PPP3CA: variants seen among roughly 807,000 people sequenced by gnomAD.
The protein encoded by PPP3CA is protein phosphatase 3 catalytic subunit alpha.
Under a neutral mutation model 66.5 loss-of-function variants are expected in PPP3CA, and 14 were observed. The ratio of observed to expected loss-of-function variants is 0.21; its 90% CI spans 0.14 to 0.33. The LOEUF is 0.33. Among genes scored for constraint, PPP3CA ranks in the 10% least tolerant of loss-of-function variants. The pLI, the probability that PPP3CA is intolerant of heterozygous loss-of-function variation, is 1.00. For missense variants in PPP3CA, 317 were observed against 639.5 expected (o/e 0.50, Z 5.44); for synonymous variants, 232 against 226.2 (o/e 1.03, Z -0.23).
chr4:101,052,777 G>A lies in PPP3CA; in HGVS notation c.1156+8310C>T, dbSNP rs181594709. Among the ~76,000 whole-genome samples the A allele has an allele frequency of 4.9e-4, 75 of 151,874 alleles. No homozygotes were observed. The East Asian group carries it at 0.014, about 28-fold the overall frequency. ...GTCCACCCTTGCATATAATTTCCTT[G>A]AAAAAATAATATGGACTTATCACAT... On this transcript the variant is annotated intron_variant, in intron 10 of 13. Transcript: ENST00000394854.
chr4:101,103,306 C>G (rs1280621684), intron 3 of PPP3CA, among the ~76,000 whole-genome samples: 1 of 152,174 alleles, frequency 6.6e-6, no homozygotes, highest in African/African-American at 2.4e-5. Flanking sequence ...ACATTCCAAT[C>G]AAAAGTGCTG....
chr4:101,320,558 G>A (rs1229182392), intron 1 of PPP3CA, among the ~76,000 whole-genome samples: 1 of 151,790 alleles, frequency 6.6e-6, no homozygotes, highest in East Asian at 1.9e-4. Context: ...GGGCGGAGGG[G>A]CTTGGATTCC....
At chr4:101,240,547 A>G (rs548895615) in intron 1 of PPP3CA, among the ~76,000 whole-genome samples, 43 of 152,240 alleles carry the variant, frequency 2.8e-4, no homozygotes, top group Non-Finnish European at 4.7e-4. Context: ...TGGAATCTAC[A>G]ATGTGGGAGG....
chr4:101,331,351 T>C (rs1016588774), intron 1 of PPP3CA, among the ~76,000 whole-genome samples: 1 of 152,230 alleles, frequency 6.6e-6, no homozygotes, highest in African/African-American at 2.4e-5. Context: ...GGAAGTACTT[T>C]GCTTCATTAT....
intron 1 of PPP3CA, among the ~76,000 whole-genome samples, chr4:101,232,797 T>A (rs1405835458): frequency 6.6e-6 from 1 of 151,770 alleles, no homozygotes; most frequent in Non-Finnish European, 1.5e-5. Flanking sequence ...ACTATTATTA[T>A]TTTTTGTTCT....
chr4:101,056,993 T>C (rs1728251731), intron 10 of PPP3CA, among the ~76,000 whole-genome samples: 1 of 152,126 alleles, frequency 6.6e-6, no homozygotes, highest in Non-Finnish European at 1.5e-5. Flanking sequence ...TTTGATGTCA[T>C]GTTACATTAA....
intron 2 of PPP3CA, among the ~76,000 whole-genome samples, chr4:101,148,026 C>T (rs1407708635): frequency 1.3e-5 from 2 of 152,036 alleles, no homozygotes; most frequent in African/African-American, 2.4e-5. Flanking sequence ...AATAACAATT[C>T]CCTCTCAAAA....
chr4:101,101,242 G>A (rs138005509), intron 3 of PPP3CA, among the ~76,000 whole-genome samples: 542 of 152,202 alleles, frequency 3.6e-3, no homozygotes, highest in Non-Finnish European at 6.2e-3. Flanking sequence ...TGTATGTAAC[G>A]TTTCCTGTTA....
At chr4:101,316,166 C>T (rs1728877912) in intron 1 of PPP3CA, among the ~76,000 whole-genome samples, 1 of 151,626 alleles carries the variant, frequency 6.6e-6, no homozygotes, top group African/African-American at 2.4e-5. Flanking sequence ...GGCTGGGTGG[C>T]AATGTGTTGA....
At chr4:101,061,059 C>T (rs1728440885) in intron 10 of PPP3CA, 28 bp downstream of exon 10, 1 of 1,571,776 alleles carries the variant, frequency 6.4e-7, no homozygotes. Context: ...TGGCAAATAG[C>T]ATTAGCACAA....
chr4:101,234,937 G>A (rs1553934710), intron 1 of PPP3CA, among the ~76,000 whole-genome samples: 1 of 151,694 alleles, frequency 6.6e-6, no homozygotes, highest in Non-Finnish European at 1.5e-5. Flanking sequence ...AATACAATTA[G>A]AAGAAATGTG....
intron 2 of PPP3CA, among the ~76,000 whole-genome samples, chr4:101,147,378 A>T (rs1723003523): frequency 6.6e-6 from 1 of 152,186 alleles, no homozygotes; most frequent in Non-Finnish European, 1.5e-5. Context: ...TTTTTCAAAA[A>T]TGTCATGAAT....
chr4:101,241,320 A>G (rs1239241522), intron 1 of PPP3CA, among the ~76,000 whole-genome samples: 1 of 152,196 alleles, frequency 6.6e-6, no homozygotes, highest in Non-Finnish European at 1.5e-5. Context: ...TAGTTTTGAC[A>G]GGAAAGCCAC....
At chr4:101,293,278 C>A (rs1185407834) in intron 1 of PPP3CA, among the ~76,000 whole-genome samples, 1 of 152,132 alleles carries the variant, frequency 6.6e-6, no homozygotes, top group Non-Finnish European at 1.5e-5. Flanking sequence ...ATAATATTAT[C>A]CCCCCTTTTC....
At chr4:101,286,959 TA>T (rs1292563229) in intron 1 of PPP3CA, among the ~76,000 whole-genome samples, 3 of 152,108 alleles carry the variant, frequency 2.0e-5, no homozygotes, top group Non-Finnish European at 4.4e-5. Flanking sequence ...TGTAGGATTT[TA>T]AAAGTTGTTA....
intron 2 of PPP3CA, among the ~76,000 whole-genome samples, chr4:101,147,287 T>C (rs1723000626): frequency 6.6e-6 from 1 of 152,228 alleles, no homozygotes; most frequent in African/African-American, 2.4e-5. Flanking sequence ...CATTAAATTC[T>C]GGCTTAATTT....
At chr4:101,326,154 A>G (rs1289283979) in intron 1 of PPP3CA, among the ~76,000 whole-genome samples, 1 of 152,186 alleles carries the variant, frequency 6.6e-6, no homozygotes, top group Non-Finnish European at 1.5e-5. Flanking sequence ...GAAGGAGGGA[A>G]TAAAGGAAAT....
chr4:101,204,665 A>G (rs960572987), intron 1 of PPP3CA, among the ~76,000 whole-genome samples: 1 of 150,896 alleles, frequency 6.6e-6, no homozygotes, highest in Non-Finnish European at 1.5e-5. Flanking sequence ...AAAAAGTTAT[A>G]CACACAAGTC....
At chr4:101,249,147 A>G (rs1221705538) in intron 1 of PPP3CA, among the ~76,000 whole-genome samples, 1 of 147,090 alleles carries the variant, frequency 6.8e-6, no homozygotes, top group Non-Finnish European at 1.5e-5. Context: ...GGCCTGGGCG[A>G]CAGAGCGAGA....
Sources: gnomAD v4.1 joint callset for allele counts (sites outside exome capture counted in the v4.1 genomes callset) on GRCh38, gnomAD v4.1.1 for gene constraint, MANE v1.5 for transcripts, NCBI Gene and HGNC (gene_info 2026-07-23, HGNC 2026-07-21) for gene names.